Variants in TNRC6B observed in about 807,000 individuals in gnomAD.
The protein encoded by TNRC6B is trinucleotide repeat containing adaptor 6B, also known as trinucleotide repeat-containing gene 6B protein.
In TNRC6B, 52 loss-of-function variants were observed where a neutral mutation model predicts 203.6. That is an observed-to-expected ratio of 0.26 (90% CI 0.20 to 0.32). The LOEUF (loss-of-function observed/expected upper bound fraction) is 0.32, where lower values mean the gene tolerates loss of function less well. Among genes scored for constraint, TNRC6B ranks in the 10% least tolerant of loss-of-function variants. The probability of loss-of-function intolerance (pLI) is 1.00; values close to 1 mark genes in which losing one functional copy is unlikely to be tolerated. For missense variants in TNRC6B, 1,923 were observed against 2,286.2 expected (o/e 0.84, Z 3.24); for synonymous variants, 838 against 845.7 (o/e 0.99, Z 0.16).
intron 1 of TNRC6B, among the ~76,000 whole-genome samples, chr22:40,095,352 G>C (rs942929677): frequency 6.6e-5 from 10 of 152,084 alleles, no homozygotes; most frequent in Non-Finnish European, 1.2e-4. Flanking sequence ...TGGTGGCAAG[G>C]CCATTTCTCT....
In TNRC6B at chr22:40,266,692, AACAGCAGCAGCCCCC is replaced by A. The variant is rs1440859958; in HGVS notation, c.2471_2485del (p.Gln824_Gln828del). The A allele has an allele frequency of 1.1e-5, 17 of 1,613,884 alleles. No individual in the cohort carries two copies. Among genetic ancestry groups the A allele is most frequent in the Non-Finnish European group, 1.4e-5 (17 of 1,179,890 alleles). On this transcript the variant is annotated inframe_deletion, in exon 5 of 23. Coordinates refer to ENST00000454349, the MANE Select transcript of TNRC6B (RefSeq NM_001162501.2). ...CCCAATTCCTGGAATAAACAACACC[AACAGCAGCAGCCCCC>A]ACAGCAGCCGCCGCCACCACAACCA...
Position 40,222,728 on chromosome 22 carries a change from C to CTTTTTTTTTTTTTT in TNRC6B, c.6-23267_6-23254dup, listed in dbSNP as rs61374373. Among the ~76,000 whole-genome samples, 185 of 40,214 alleles carry CTTTTTTTTTTTTTT rather than the reference C, an allele frequency of 4.6e-3. 29 individuals are homozygous for CTTTTTTTTTTTTTT. Among genetic ancestry groups the CTTTTTTTTTTTTTT allele is most frequent in the South Asian group, 8.8e-3 (6 of 678 alleles). The allele number at this position is 40,214 out of a possible 152,430, so 26.4% of individuals were successfully genotyped here. ...ATCTTGCTGTATTCTCTCTCTCTCT[C>CTTTTTTTTTTTTTT]TTTTTTTTTTTTTTTTTTTTTTTTT... On this transcript the variant is annotated intron_variant, in intron 1 of 22. Transcript: ENST00000454349.
chr22:40,187,139 A>G (rs2069214625), intron 1 of TNRC6B, among the ~76,000 whole-genome samples: 1 of 152,240 alleles, frequency 6.6e-6, no homozygotes, highest in Non-Finnish European at 1.5e-5. Flanking sequence ...GCAAGTGCAC[A>G]GTAGCCACGT....
At chr22:40,208,143 A>C (rs2069511374) in intron 1 of TNRC6B, among the ~76,000 whole-genome samples, 1 of 151,028 alleles carries the variant, frequency 6.6e-6, no homozygotes, top group East Asian at 1.9e-4. Context: ...CAAAAAAACA[A>C]GAAAAAAACA....
intron 1 of TNRC6B, among the ~76,000 whole-genome samples, chr22:40,190,820 G>A (rs189245888): frequency 6.6e-6 from 1 of 151,748 alleles, no homozygotes; most frequent in Admixed American, 6.6e-5. Flanking sequence ...GGAAGCATTG[G>A]CATGCTGGGT....
At chr22:40,210,926 G>A (rs1046464010) in intron 1 of TNRC6B, among the ~76,000 whole-genome samples, 2 of 152,064 alleles carry the variant, frequency 1.3e-5, no homozygotes, top group Non-Finnish European at 2.9e-5. Context: ...GATGCTATTA[G>A]CACCCTGCCA....
chr22:40,322,504 GACAC>G (rs1163358225), intron 22 of TNRC6B, among the ~76,000 whole-genome samples: 1 of 152,178 alleles, frequency 6.6e-6, no homozygotes, highest in African/African-American at 2.4e-5. Context: ...GCCCCCCACA[GACAC>G]ACACGTTTTT....
intron 1 of TNRC6B, among the ~76,000 whole-genome samples, chr22:40,204,315 T>C (rs1462188738): frequency 1.3e-5 from 2 of 152,234 alleles, no homozygotes; most frequent in Non-Finnish European, 1.5e-5. Flanking sequence ...GCCTCTGGCA[T>C]TTATTCACGG....
chr22:40,102,991 C>G (rs1015629662), intron 1 of TNRC6B, among the ~76,000 whole-genome samples: 2 of 151,852 alleles, frequency 1.3e-5, no homozygotes, highest in African/African-American at 4.8e-5. Context: ...GCAGGAGAAT[C>G]GCTTGAACCA....
chr22:40,218,359 C>G (rs1170878658), intron 1 of TNRC6B, among the ~76,000 whole-genome samples: 1 of 106,928 alleles, frequency 9.4e-6, no homozygotes, highest in Non-Finnish European at 1.8e-5. Context: ...CAGGGTGTTA[C>G]TCTGTCACTC....
At chr22:40,274,070 C>T (rs1306641033) in intron 7 of TNRC6B, among the ~76,000 whole-genome samples, 1 of 152,192 alleles carries the variant, frequency 6.6e-6, no homozygotes, top group Non-Finnish European at 1.5e-5. Context: ...CTTGCTTTCC[C>T]ATGACCTTGA....
intron 1 of TNRC6B, among the ~76,000 whole-genome samples, chr22:40,204,651 C>G (rs2069456931): frequency 6.6e-6 from 1 of 152,098 alleles, no homozygotes; most frequent in South Asian, 2.1e-4. Flanking sequence ...TGTAACTGAC[C>G]CAGGGGGGCT....
chr22:40,196,171 A>AT (rs1447433697), intron 1 of TNRC6B, among the ~76,000 whole-genome samples: 2 of 150,484 alleles, frequency 1.3e-5, no homozygotes, highest in Non-Finnish European at 3.0e-5. Flanking sequence ...CCTCTAATGG[A>AT]TTTTTTTCTT....
chr22:40,268,352 C>T (rs924892893), intron 5 of TNRC6B, among the ~76,000 whole-genome samples: 1 of 152,126 alleles, frequency 6.6e-6, no homozygotes, highest in Non-Finnish European at 1.5e-5. Flanking sequence ...TACCAAAGTG[C>T]TGGGATTACA....
At chr22:40,296,028 G>T (rs533060723) in intron 12 of TNRC6B, among the ~76,000 whole-genome samples, 1 of 152,068 alleles carries the variant, frequency 6.6e-6, no homozygotes, top group African/African-American at 2.4e-5. Flanking sequence ...TTTCCTGCCC[G>T]CATTCTGAAT....
At chr22:40,263,484 G>A (rs1362316698) in intron 4 of TNRC6B, among the ~76,000 whole-genome samples, 1 of 152,192 alleles carries the variant, frequency 6.6e-6, no homozygotes, top group East Asian at 1.9e-4. Context: ...GGTGGAGACT[G>A]GGGTCCAGTG....
rs777714056 is a variant in TNRC6B, at chr22:40,323,102, C to T, written c.5363C>T (p.Ala1788Val). ...SAGGSSGADLAGASLWGPPNY... is the reference protein window; with the variant it reads ...SAGGSSGADLVGASLWGPPNY... ...GGTGGCAGCAGCGGGGCCGATCTTG[C>T]TGGCGCTTCATTGTGGGGGCCCCCA... Residue 1788 changes from alanine (A) to valine (V), a missense_variant, in exon 23 of 23, where the codon GCT becomes GTT. Physicochemically the swap from Ala to Val is moderately conservative, Grantham distance 64. Transcript: ENST00000454349. 1.2e-5 allele frequency: 20 copies of T among 1,610,748 alleles called. No individual in the cohort carries two copies. Among genetic ancestry groups the T allele is most frequent in the Non-Finnish European group, 1.6e-5 (19 of 1,178,436 alleles).
chr22:40,243,060 G>A (rs1236830706), intron 1 of TNRC6B, among the ~76,000 whole-genome samples: 1 of 151,882 alleles, frequency 6.6e-6, no homozygotes, highest in African/African-American at 2.4e-5. Context: ...TAGTAGAGAT[G>A]GGGTTTCACT....
chr22:40,224,430 TG>T (rs1805813973), intron 1 of TNRC6B, among the ~76,000 whole-genome samples: 1 of 152,208 alleles, frequency 6.6e-6, no homozygotes, highest in African/African-American at 2.4e-5. Context: ...TCTTTTGTAT[TG>T]TTGGTCTTTT....
Sources: gnomAD v4.1 joint callset for allele counts (sites outside exome capture counted in the v4.1 genomes callset) on GRCh38, gnomAD v4.1.1 for gene constraint, MANE v1.5 for transcripts, NCBI Gene and HGNC (gene_info 2026-07-23, HGNC 2026-07-21) for gene names.